Variants in SLC66A3 observed in about 807,000 individuals in gnomAD.
SLC66A3 encodes solute carrier family 66 member 3.
In SLC66A3, 23 loss-of-function variants were observed where a neutral mutation model predicts 25.5. The ratio of observed to expected loss-of-function variants is 0.90; its 90% confidence interval spans 0.65 to 1.28. SLC66A3 has a LOEUF of 1.28. SLC66A3 is among the 50% of genes most tolerant of loss of function. The pLI is 0.00. For missense variants in SLC66A3, 246 were observed against 262.1 expected (o/e 0.94, Z 0.42); for synonymous variants, 108 against 112.6 (o/e 0.96, Z 0.26).
At chr2:11,163,965 C>T (rs369345121) in intron 3 of SLC66A3, among the ~76,000 whole-genome samples, 2 of 152,270 alleles carry the variant, frequency 1.3e-5, no homozygotes, top group South Asian at 4.1e-4. Context: ...AGTCCATGAG[C>T]GTGGGTGTCT....
intron 6 of SLC66A3, 52 bp from the exon 7 acceptor site, chr2:11,177,685 T>TTTGG (rs1662809693): frequency 4.3e-6 from 5 of 1,165,658 alleles, no homozygotes; most frequent in African/African-American, 1.5e-5. Context: ...AGGAGGTGGT[T>TTTGG]TTGGTCTGTA....
In SLC66A3 at chr2:11,155,490, C is replaced by T; in HGVS notation, c.-57C>T. ...GAAGGCTTCGGCAGAGCTGCGCCGC[C>T]GAGGCTGAGCGGTCCCTTCTCGCTG... On this transcript the variant is annotated 5_prime_UTR_variant, in exon 1 of 7. Transcript: ENST00000295083. 1 of 1,428,066 alleles carries T rather than the reference C, an allele frequency of 7.0e-7. No homozygotes were observed. Among genetic ancestry groups the T allele is most frequent in the Non-Finnish European group, 9.1e-7 (1 of 1,099,340 alleles). 88.5% of individuals were successfully genotyped at this position (1,428,066 alleles called of 1,614,324 possible).
chr2:11,172,184 A>G lies in SLC66A3; in HGVS notation c.475+139A>G, dbSNP rs182761154. 4 of 627,788 alleles carry G rather than the reference A, an allele frequency of 6.4e-6. No individual in the cohort carries two copies. The East Asian group carries it at 1.2e-4, about 20-fold the overall frequency. The allele number at this position is 627,788 out of a possible 1,614,324, so 38.9% of individuals were successfully genotyped here. ...AATGGCTACTCAGCTAGAACCTCCT[A>G]AGTGTATCCATGTTTACAAAGATGA... On this transcript the variant is annotated intron_variant, in intron 5 of 6. Transcript: ENST00000295083.
At chr2:11,156,484 A>C (rs1375125482) in intron 1 of SLC66A3, among the ~76,000 whole-genome samples, 1 of 151,744 alleles carries the variant, frequency 6.6e-6, no homozygotes, top group Admixed American at 6.6e-5. Context: ...CCCCGCCATC[A>C]CCCAGTGGGG....
Position 11,160,555 on chromosome 2 carries a change from G to A in SLC66A3, c.226+7G>A, listed in dbSNP as rs1662082853. 6.2e-7 allele frequency: 1 copy of A among 1,614,146 alleles called. No homozygotes were observed. The highest frequency in any genetic ancestry group is 1.3e-5 in the African/African-American group (1 of 75,020). On this transcript the variant is annotated splice_region_variant and intron_variant, in intron 2 of 6. Transcript: ENST00000295083. ...CCCATCCTCATCGCGCAAGGTAACA[G>A]CCCCTTCCCTGTCCAGCGGACTGCC... is the stretch of plus-strand genomic sequence containing the variant.
chr2:11,160,358 C>A, intron 1 of SLC66A3, 108 bp from the exon 2 acceptor site: 2 of 872,622 alleles, frequency 2.3e-6, no homozygotes, highest in South Asian at 1.3e-5. Flanking sequence ...CGTGTCCACA[C>A]CCCCACTGCA....
chr2:11,160,266 A>T (rs1440417761), intron 1 of SLC66A3, 200 bp from the exon 2 acceptor site: 1 of 617,170 alleles, frequency 1.6e-6, no homozygotes. Context: ...GTGCCCAGTA[A>T]GTTCTGGATG....
intron 5 of SLC66A3, 86 bp downstream of exon 5, chr2:11,172,131 A>C (rs1420760233): frequency 2.5e-5 from 34 of 1,357,394 alleles, no homozygotes; most frequent in Non-Finnish European, 3.5e-5. Flanking sequence ...TTGAAGTAAC[A>C]TGGTCCCTGG....
At chr2:11,174,901 CATT>C (rs1382316401) in intron 5 of SLC66A3, 64 bp from the exon 6 acceptor site, 10 of 1,048,058 alleles carry the variant, frequency 9.5e-6, no homozygotes, top group South Asian at 1.4e-5. Flanking sequence ...AAGGGAAAGA[CATT>C]ATTAGCTAAG....
At chr2:11,173,099 G>C (rs1298624181) in intron 5 of SLC66A3, among the ~76,000 whole-genome samples, 1 of 152,146 alleles carries the variant, frequency 6.6e-6, no homozygotes, top group Non-Finnish European at 1.5e-5. Flanking sequence ...CTGACCTCAA[G>C]TGATCCACCC....
intron 5 of SLC66A3, among the ~76,000 whole-genome samples, chr2:11,173,752 C>T (rs961545989): frequency 6.6e-6 from 1 of 152,150 alleles, no homozygotes; most frequent in African/African-American, 2.4e-5. Context: ...TCTCTAACTC[C>T]CAAGTCACGC....
intron 5 of SLC66A3, among the ~76,000 whole-genome samples, chr2:11,173,022 C>T (rs1041216273): frequency 2.8e-4 from 43 of 152,160 alleles, no homozygotes; most frequent in African/African-American, 1.0e-3. Flanking sequence ...GCCACCATGC[C>T]TGGCTAATTT....
chr2:11,174,847 A>T (rs1298929521), intron 5 of SLC66A3, 121 bp from the exon 6 acceptor site: 1 of 570,246 alleles, frequency 1.8e-6, no homozygotes, highest in African/African-American at 1.9e-5. Context: ...AAAAAAGAAT[A>T]AAAATAATTT....
Position 11,172,050 on chromosome 2 carries a change from G to A in SLC66A3, c.475+5G>A. The A allele has an allele frequency of 6.2e-7, 1 of 1,613,730 alleles. No individual in the cohort carries two copies. The highest frequency in any genetic ancestry group is 1.1e-5 in the South Asian group (1 of 91,042). On this transcript the variant is annotated splice_donor_5th_base_variant and intron_variant, in intron 5 of 6. Transcript: ENST00000295083. ...TCTCTTCCTATACCTGTGCAAGTAA[G>A]AACCGGACTCACATGGTGGGGAGGC...
At chr2:11,168,355 T>A (rs1171555976) in intron 4 of SLC66A3, among the ~76,000 whole-genome samples, 3 of 152,018 alleles carry the variant, frequency 2.0e-5, no homozygotes, top group Admixed American at 6.6e-5. Flanking sequence ...TTAGACTGTT[T>A]TACAGAAAAA....
chr2:11,177,456 C>CAA (rs371498449), intron 6 of SLC66A3, among the ~76,000 whole-genome samples: 37 of 107,080 alleles, frequency 3.5e-4, no homozygotes, highest in African/African-American at 6.3e-4. Context: ...AAGACTGTCT[C>CAA]AAAAAAAAAA....
In SLC66A3 at chr2:11,178,087, C is replaced by A; in HGVS notation, c.*259C>A. 3.2e-6 allele frequency: 1 copy of A among 312,910 alleles called. No individual in the cohort carries two copies. 19.4% of individuals were successfully genotyped at this position (312,910 alleles called of 1,614,324 possible). A position where few individuals can be genotyped will look rare whatever the true frequency, so the allele number is the denominator to read the frequency against. ...GTTGAGGCCAGTCACTGTTGGAAGT[C>A]ATCCAAGAAGCCCATTTTGAGGCCA... is the stretch of plus-strand genomic sequence containing the variant. On this transcript the variant is annotated 3_prime_UTR_variant, in exon 7 of 7. Transcript: ENST00000295083.
chr2:11,156,182 T>G (rs1241477810), intron 1 of SLC66A3, among the ~76,000 whole-genome samples: 2 of 152,196 alleles, frequency 1.3e-5, no homozygotes, highest in Non-Finnish European at 2.9e-5. Context: ...GGTTATTTAA[T>G]GAGATTCCTT....
chr2:11,158,990 A>G (rs1662015581), intron 1 of SLC66A3, among the ~76,000 whole-genome samples: 1 of 152,042 alleles, frequency 6.6e-6, no homozygotes, highest in Non-Finnish European at 1.5e-5. Flanking sequence ...CAGGCTCTTC[A>G]TCTTGTATGT....
Sources: allele counts gnomAD v4.1 joint callset (sites outside exome capture counted in the v4.1 genomes callset), GRCh38; gene constraint gnomAD v4.1.1; transcripts MANE v1.5; gene names NCBI Gene and HGNC (gene_info 2026-07-23, HGNC 2026-07-21).